The following CD163L1 variants were observed in gnomAD, a reference collection of about 807,000 sequenced individuals.
The protein encoded by CD163L1 is scavenger receptor cysteine-rich type 1 protein M160.
CD163L1 carries 124 observed loss-of-function variants against 165.4 expected under a neutral mutation model. The ratio of observed to expected loss-of-function variants is 0.75; its 90% CI spans 0.65 to 0.87. CD163L1 has a LOEUF of 0.87. Ranked by LOEUF, CD163L1 falls within the 40% of genes least tolerant of loss-of-function variation. The pLI is 0.00. For synonymous variants in CD163L1, 585 were observed against 662.2 expected, an observed-to-expected ratio of 0.88 and a Z score of 1.79; for missense variants, 1,525 against 1,799.9, an observed-to-expected ratio of 0.85 and a Z score of 2.76.
intron 4 of CD163L1, among the ~76,000 whole-genome samples, chr12:7,349,676 A>G (rs921302068): frequency 6.6e-6 from 1 of 152,224 alleles, no homozygotes; most frequent in African/African-American, 2.4e-5. Context: ...TTGTAAGTGT[A>G]TCCTCAGCCA....
rs2136523727 is a variant in CD163L1, at chr12:7,403,785, A to G, written c.1158T>C (p.Ile386=). 1 of 1,613,714 alleles carries G rather than the reference A, an allele frequency of 6.2e-7. No individual in the cohort carries two copies. The highest frequency in any genetic ancestry group is 8.5e-7 in the Non-Finnish European group (1 of 1,179,914). ...CACATATTGTCCACCACTGTTCATG[A>G]ATTCTCACCTCTACTCTCCCTGAAC... The part of the protein sequence containing the change: ...NNCSGRVEVR[I]HEQWWTICDQ... The change falls in exon 6 of 20, where the codon ATT becomes ATC. Residue 386 remains isoleucine (I), a synonymous_variant. Transcript: ENST00000313599.
chr12:7,396,874 A>AGAG (rs373240524), intron 7 of CD163L1, among the ~76,000 whole-genome samples: 21,513 of 151,932 alleles, frequency 0.14, 1,781 homozygotes, highest in Admixed American at 0.28. Context: ...GAGAGAGAGA[A>AGAG]GAGAGGCTCA....
chr12:7,321,956 C>T, the CD163L1 span, among the ~76,000 whole-genome samples: 1 of 152,316 alleles, frequency 6.6e-6, no homozygotes, highest in East Asian at 1.9e-4. Flanking sequence ...CAACTCAGTC[C>T]TTTATTACAT....
intron 2 of CD163L1, among the ~76,000 whole-genome samples, chr12:7,435,233 A>G (rs1948699874): frequency 6.7e-6 from 1 of 150,016 alleles, no homozygotes; most frequent in Non-Finnish European, 1.5e-5. Flanking sequence ...CCAAGGTGTG[A>G]TAAAATTAAA....
intron 1 of CD163L1, among the ~76,000 whole-genome samples, 164 bp downstream of exon 1, chr12:7,443,933 G>A (rs1420555268): frequency 4.0e-5 from 6 of 151,794 alleles, no homozygotes; most frequent in Non-Finnish European, 2.9e-5. Context: ...CTCCAATATT[G>A]CTGCTACTCT....
rs763646989 is a variant in CD163L1 at position 7,406,617 on chromosome 12, A to G, written c.1002T>C (p.Asn334=). 1.4e-5 allele frequency: 23 copies of G among 1,613,966 alleles called. No individual in the cohort carries two copies. Among genetic ancestry groups the G allele is most frequent in the Middle Eastern group, 1.6e-4 (1 of 6,082 alleles). Residue 334 remains asparagine (N), a synonymous_variant, in exon 5 of 20, where the codon AAT becomes AAC. Transcript: ENST00000313599. ...VWLDGVSCSG[N]ESFLWDCRHS... ...GTCTGCAGTCCCAAAGAAAAGATTC[A>G]TTACCGGAGCAGGAGACACCATCAA...
chr12:7,389,731 C>T (rs772815561), intron 8 of CD163L1, among the ~76,000 whole-genome samples: 1 of 152,000 alleles, frequency 6.6e-6, no homozygotes, highest in African/African-American at 2.4e-5. Context: ...CCTCAGTGTG[C>T]TTATTTCACA....
At chr12:7,390,278 G>A (rs1359400541) in intron 8 of CD163L1, among the ~76,000 whole-genome samples, 1 of 151,856 alleles carries the variant, frequency 6.6e-6, no homozygotes, top group Non-Finnish European at 1.5e-5. Context: ...AAATTCTAGT[G>A]TTCAATAGCA....
At chr12:7,375,032 A>G (rs1347627788) in intron 11 of CD163L1, 109 bp from the exon 12 acceptor site, 1 of 1,066,302 alleles carries the variant, frequency 9.4e-7, no homozygotes, top group African/African-American at 1.6e-5. Flanking sequence ...GACTTTTCAA[A>G]CCCTGTCGTC....
Position 7,398,316 on chromosome 12 carries a change from T to TC in CD163L1, c.1676dup (p.Trp560MetfsTer5), listed in dbSNP as rs778015904. On this transcript the variant is annotated frameshift_variant, in exon 7 of 20. Transcript: ENST00000313599. LOFTEE classifies it high-confidence loss of function. The surrounding 1 kb of genome is among the most constrained non-coding windows in gnomAD (Gnocchi z 4.5). ...TGTGTACACAATTATGCTTTCCCCA[T>TC]CCACTGTGTTCACAGTCCCAGATAT... 6.2e-7 allele frequency: 1 copy of TC among 1,614,128 alleles called. No homozygotes were observed. Among genetic ancestry groups the TC allele is most frequent in the Non-Finnish European group, 8.5e-7 (1 of 1,180,000 alleles).
rs202004110 is a variant in CD163L1 at position 7,403,645 on chromosome 12, A to C, written c.1298T>G (p.Ile433Arg). Residue 433 changes from isoleucine (I) to arginine (R), a missense_variant, in exon 6 of 20, where the codon ATA (isoleucine) becomes AGA (arginine). Transcript: ENST00000313599. ...ATTCCCAGTGCAAGATATGCTGTTTATCCAAATGTCTCTAGCTTCATTACT... is the reference window on the plus strand; with the variant it reads ...ATTCCCAGTGCAAGATATGCTGTTTCTCCAAATGTCTCTAGCTTCATTACT... ...KPSNEARDIW[I>R]NSISCTGNES... 97 of 1,613,934 alleles carry C rather than the reference A, an allele frequency of 6.0e-5. 1 individual carries two copies. Among genetic ancestry groups the C allele is most frequent in the Non-Finnish European group, 3.1e-5 (36 of 1,179,978 alleles).
intron 18 of CD163L1, among the ~76,000 whole-genome samples, chr12:7,366,007 A>C (rs1014174697): frequency 3.3e-5 from 5 of 152,148 alleles, no homozygotes; most frequent in Admixed American, 6.5e-5. Flanking sequence ...GAAGCAGCCT[A>C]AGTGTCCCTT....
At chr12:7,437,399 A>G (rs1374813857) in intron 2 of CD163L1, among the ~76,000 whole-genome samples, 2 of 151,170 alleles carry the variant, frequency 1.3e-5, no homozygotes, top group African/African-American at 2.4e-5. Flanking sequence ...AGTTTGTTAC[A>G]TATGTATACA....
chr12:7,367,480 T>C, intron 17 of CD163L1, 149 bp from the exon 18 acceptor site: 1 of 493,732 alleles, frequency 2.0e-6, no homozygotes, highest in Non-Finnish European at 3.7e-6. Flanking sequence ...AGTGAATTTT[T>C]TACATTTTTA....
the CD163L1 span, chr12:7,324,162 A>C: frequency 7.3e-7 from 1 of 1,377,396 alleles, no homozygotes; most frequent in Non-Finnish European, 9.7e-7. Flanking sequence ...TCTCAAAAAA[A>C]AAAAAATTTC....
At chr12:7,401,873 C>CA (rs1283820091) in intron 6 of CD163L1, among the ~76,000 whole-genome samples, 1 of 150,666 alleles carries the variant, frequency 6.6e-6, no homozygotes, top group Non-Finnish European at 1.5e-5. Context: ...AAGTAGTTTC[C>CA]AAAAAGCAAA....
chr12:7,421,259 T>C (rs1218222174), intron 4 of CD163L1, among the ~76,000 whole-genome samples: 1 of 127,032 alleles, frequency 7.9e-6, no homozygotes, highest in Non-Finnish European at 1.6e-5. Flanking sequence ...TATATATGTA[T>C]ATATCTTCCA....
At chr12:7,415,796 G>A (rs970485035) in intron 4 of CD163L1, among the ~76,000 whole-genome samples, 8 of 152,130 alleles carry the variant, frequency 5.3e-5, no homozygotes, top group African/African-American at 1.7e-4. Context: ...TGGTGTATAC[G>A]TGCCACGTTT....
rs1305124717 is a variant in CD163L1, at chr12:7,347,694, G to T, written c.*25-547C>A. Among the ~76,000 whole-genome samples, 1 of 152,022 alleles carries T rather than the reference G, an allele frequency of 6.6e-6. No individual in the cohort carries two copies. The highest frequency in any genetic ancestry group is 2.4e-5 in the African/African-American group (1 of 41,386). On this transcript the variant is annotated intron_variant, in intron 4 of 4. Transcript: ENST00000539726. The surrounding 1 kb of genome is among the most constrained non-coding windows in gnomAD (Gnocchi z 4.2). Reference sequence around the variant, plus strand: ...TGAGGCAGGAGAATGGCGTGAACCTGGGAGGCGGAGCTTGCAGTGAACCAA... The same window carrying T: ...TGAGGCAGGAGAATGGCGTGAACCTTGGAGGCGGAGCTTGCAGTGAACCAA...
Sources: gnomAD v4.1 joint callset for allele counts (sites outside exome capture counted in the v4.1 genomes callset) on GRCh38, gnomAD v4.1.1 for gene constraint, Gnocchi (gnomAD v3.1) non-coding constraint, MANE v1.5 for transcripts, NCBI Gene and HGNC (gene_info 2026-07-23, HGNC 2026-07-21) for gene names.